Variants in TMEM87B observed in about 807,000 individuals in gnomAD.
The protein encoded by TMEM87B is transmembrane protein 87B.
A neutral mutation model predicts 80.3 loss-of-function variants in TMEM87B; 83 were observed. The observed-to-expected ratio is 1.03, with a 90% CI of 0.87 to 1.24. TMEM87B has a LOEUF of 1.24. Ranked by LOEUF, TMEM87B falls within the 50% of genes most tolerant of loss-of-function variation. The pLI is 0.00. For missense variants in TMEM87B, 625 were observed against 674.4 expected (o/e 0.93, Z 0.81); for synonymous variants, 219 against 230.5 (o/e 0.95, Z 0.45).
chr2:112,096,923 TA>T (rs535485568), intron 11 of TMEM87B, 120 bp from the exon 12 acceptor site: 16 of 676,136 alleles, frequency 2.4e-5, no homozygotes, highest in Non-Finnish European at 3.6e-5. Flanking sequence ...GTGTTTTCAT[TA>T]GCTTCAAATT....
intron 11 of TMEM87B, 152 bp from the exon 12 acceptor site, chr2:112,096,892 T>C (rs1257840078): frequency 1.3e-5 from 8 of 607,168 alleles, no homozygotes; most frequent in Non-Finnish European, 2.0e-5. Flanking sequence ...TTGTACAATA[T>C]TGGCCAAGAT....
Position 112,106,027 on chromosome 2 carries a change from A to C in TMEM87B, c.1476A>C (p.Ser492=). Residue 492 remains serine, a synonymous_variant, in exon 16 of 19, where the codon TCA becomes TCC. Coordinates refer to ENST00000283206, the MANE Select transcript of TMEM87B (RefSeq NM_032824.3). Reference sequence around the variant, plus strand: ...CCGAAGGAATAAAATTAAGAGCCTCAAAATCAGTTTCCAATGGAACAGCTA... The same window carrying C: ...CCGAAGGAATAAAATTAAGAGCCTCCAAATCAGTTTCCAATGGAACAGCTA... The part of the protein sequence containing the change: ...NLTEGIKLRA[S]KSVSNGTAKP... 1 of 1,574,668 alleles carries C rather than the reference A, an allele frequency of 6.4e-7. No individual in the cohort carries two copies. Among genetic ancestry groups the C allele is most frequent in the South Asian group, 1.2e-5 (1 of 83,782 alleles).
At chr2:112,062,077 T>G (rs1169597031) in intron 2 of TMEM87B, among the ~76,000 whole-genome samples, 1 of 152,248 alleles carries the variant, frequency 6.6e-6, no homozygotes, top group African/African-American at 2.4e-5. Flanking sequence ...AGTGAGTAAT[T>G]GAGTATTCTA....
chr2:112,067,463 G>A (rs966987840), intron 4 of TMEM87B, among the ~76,000 whole-genome samples: 1 of 152,120 alleles, frequency 6.6e-6, no homozygotes, highest in Non-Finnish European at 1.5e-5. Flanking sequence ...GCCGGGTGTG[G>A]TGGCATGTGC....
At chr2:112,070,337 G>T (rs1558832106) in intron 4 of TMEM87B, among the ~76,000 whole-genome samples, 1 of 152,152 alleles carries the variant, frequency 6.6e-6, no homozygotes, top group South Asian at 2.1e-4. Flanking sequence ...AATCCATCTT[G>T]AGTTGATTTT....
intron 11 of TMEM87B, among the ~76,000 whole-genome samples, chr2:112,096,401 A>T (rs77156391): frequency 8.5e-5 from 13 of 152,110 alleles, no homozygotes; most frequent in African/African-American, 3.1e-4. Flanking sequence ...GCTGTGCTCT[A>T]TAAAAGAAAA....
At chr2:112,070,525 C>G (rs1325075119) in intron 4 of TMEM87B, among the ~76,000 whole-genome samples, 1 of 152,128 alleles carries the variant, frequency 6.6e-6, no homozygotes, top group East Asian at 1.9e-4. Flanking sequence ...TTCTGTTCCA[C>G]TGGTCTATGT....
chr2:112,095,428 G>A, intron 11 of TMEM87B: 1 of 984,270 alleles, frequency 1.0e-6, no homozygotes, highest in Non-Finnish European at 1.2e-6. Flanking sequence ...GTCTTGGTAA[G>A]TGGAGGCTTA....
At chr2:112,112,527 C>A (rs1416248717) in intron 17 of TMEM87B, among the ~76,000 whole-genome samples, 2 of 152,248 alleles carry the variant, frequency 1.3e-5, no homozygotes. Context: ...TTTCCTATTT[C>A]CCTTTCACAT....
At chr2:112,077,056 A>AAAAAT in intron 5 of TMEM87B, 136 bp from the exon 6 acceptor site, 1 of 459,418 alleles carries the variant, frequency 2.2e-6, no homozygotes, top group East Asian at 3.7e-5. Context: ...AAAAAAAAAA[A>AAAAAT]GGAAAAAATT....
In TMEM87B at chr2:112,097,062, C is replaced by G. The variant is rs199767860; in HGVS notation, c.1123C>G (p.Gln375Glu). ...TTTTCACATTTTTATTAGTTTGGCA[C>G]AAACTATGAAGACCCTAAGGCTAAG... ...FVWFIFISLA[Q>E]TMKTLRLRKN... Residue 375 changes from glutamine (Q) to glutamate (E), a missense_variant, in exon 12 of 19, where the codon CAA becomes GAA. Transcript: ENST00000283206. 3 of 1,592,728 alleles carry G rather than the reference C, an allele frequency of 1.9e-6. No homozygotes were observed. Among genetic ancestry groups the G allele is most frequent in the East Asian group, 2.2e-5 (1 of 44,520 alleles).
rs865974350 is a variant in TMEM87B at position 112,099,533 on chromosome 2, T to C, written c.1376+835T>C. Among the ~76,000 whole-genome samples, 118 of 100,214 alleles carry C rather than the reference T, an allele frequency of 1.2e-3. 1 individual carries two copies. The highest frequency in any genetic ancestry group is 5.6e-3 in the African/African-American group (118 of 20,892). The allele number at this position is 100,214 out of a possible 152,430, so 65.7% of individuals were successfully genotyped here. ...AAAATTATACAATAATACATATATA[T>C]ATATATATATATATATATATATACA... On this transcript the variant is annotated intron_variant, in intron 14 of 18. Coordinates refer to ENST00000283206, the MANE Select transcript of TMEM87B (RefSeq NM_032824.3).
intron 8 of TMEM87B, among the ~76,000 whole-genome samples, chr2:112,082,279 A>G (rs909366318): frequency 2.0e-5 from 3 of 152,202 alleles, no homozygotes; most frequent in Admixed American, 1.3e-4. Context: ...TGATTGATTG[A>G]CAAGGTCTTG....
At chr2:112,108,977 A>T (rs1459645102) in intron 17 of TMEM87B, among the ~76,000 whole-genome samples, 2 of 152,158 alleles carry the variant, frequency 1.3e-5, no homozygotes, top group Non-Finnish European at 1.5e-5. Flanking sequence ...AACACTTATT[A>T]TTGTCCACCT....
chr2:112,093,967 G>A (rs1679378982), intron 11 of TMEM87B, among the ~76,000 whole-genome samples: 1 of 152,102 alleles, frequency 6.6e-6, no homozygotes, highest in South Asian at 2.1e-4. Context: ...CTGTCATTGT[G>A]TGTTTAGAAA....
chr2:112,095,092 C>T (rs1026246206), intron 11 of TMEM87B: 11 of 814,976 alleles, frequency 1.3e-5, no homozygotes, highest in Non-Finnish European at 1.6e-5. Context: ...TAGCCTTAGC[C>T]TTTCTCCTGT....
intron 16 of TMEM87B, among the ~76,000 whole-genome samples, chr2:112,107,539 CA>C (rs917992203): frequency 1.3e-5 from 2 of 151,116 alleles, no homozygotes; most frequent in African/African-American, 2.4e-5. Flanking sequence ...TTTCTCAGGA[CA>C]AAAAAAATAA....
At chr2:112,057,174 G>A (rs1678100720) in intron 1 of TMEM87B, among the ~76,000 whole-genome samples, 1 of 152,206 alleles carries the variant, frequency 6.6e-6, no homozygotes, top group Non-Finnish European at 1.5e-5. Flanking sequence ...TCTCTCCCAA[G>A]AGTGGACTTA....
rs1680037382 is a variant in TMEM87B at position 112,116,759 on chromosome 2, A to C, written c.*616A>C. 6.6e-6 allele frequency: 1 copy of C among 152,148 alleles called. No homozygotes were observed. The highest frequency in any genetic ancestry group is 2.4e-5 in the African/African-American group (1 of 41,324). 9.4% of individuals were successfully genotyped at this position (152,148 alleles called of 1,614,324 possible). On this transcript the variant is annotated 3_prime_UTR_variant, in exon 19 of 19. Transcript: ENST00000283206. ...TGTTTGAGTCTCATCATGCACATCA[A>C]ATCATGGAGTTAGGTCTTCTCTGAG...
Sources: gnomAD v4.1 joint callset for allele counts (sites outside exome capture counted in the v4.1 genomes callset) on GRCh38, gnomAD v4.1.1 for gene constraint, MANE v1.5 for transcripts, NCBI Gene and HGNC (gene_info 2026-07-23, HGNC 2026-07-21) for gene names.